The following TRRAP variants were observed in gnomAD, a reference collection of about 807,000 sequenced individuals.
TRRAP encodes transformation/transcription domain associated protein.
In TRRAP, 41 loss-of-function variants were observed where a neutral mutation model predicts 438.8. The ratio of observed to expected loss-of-function variants is 0.09; its 90% CI spans 0.07 to 0.12. TRRAP has a LOEUF of 0.12. Among genes scored for constraint, TRRAP ranks in the 10% least tolerant of loss-of-function variants. The pLI is 1.00. For missense variants in TRRAP, 3,122 were observed against 5,055.1 expected (o/e 0.62, Z 11.60); for synonymous variants, 1,994 against 1,962.9 (o/e 1.02, Z -0.42).
intron 45 of TRRAP, 22 bp downstream of exon 45, chr7:98,959,512 G>T: frequency 6.2e-7 from 1 of 1,607,546 alleles, no homozygotes; most frequent in Non-Finnish European, 8.5e-7. Flanking sequence ...TGTCTGAAGG[G>T]CCAGGGCAGC....
Position 98,994,077 on chromosome 7 carries a change from A to G in TRRAP, c.10047+340A>G, listed in dbSNP as rs1231024288. Among the ~76,000 whole-genome samples, 1 of 152,110 alleles carries G rather than the reference A, an allele frequency of 6.6e-6. No individual in the cohort carries two copies. The highest frequency in any genetic ancestry group is 1.5e-5 in the Non-Finnish European group (1 of 68,018). On this transcript the variant is annotated intron_variant, in intron 66 of 72. Coordinates refer to ENST00000456197, the MANE Select transcript of TRRAP (RefSeq NM_001375524.1). This position sits in a 1 kb window ranked among gnomAD's most constrained non-coding sequence, Gnocchi z 4.8. ...AGTAACAGGGTTATAATTTCCATAGATGGGAAATTGTAGGGATGTGGGGTC... is the reference window on the plus strand; with the variant it reads ...AGTAACAGGGTTATAATTTCCATAGGTGGGAAATTGTAGGGATGTGGGGTC...
At position 98,896,223 on chromosome 7, in the gene TRRAP, T is replaced by A. The variant is rs543480977; in HGVS notation, c.507+403T>A. Among the ~76,000 whole-genome samples the A allele has an allele frequency of 3.5e-4, 54 of 152,258 alleles. 1 individual carries two copies. The highest frequency in any genetic ancestry group is 1.2e-3 in the African/African-American group (50 of 41,554). On this transcript the variant is annotated intron_variant, in intron 7 of 72. Transcript: ENST00000456197. ...GTGGTGTATATTTTCAGTTTTTTTTTAAATTTTACTAACTTTTTTTTCGAT... is the reference window on the plus strand; with the variant it reads ...GTGGTGTATATTTTCAGTTTTTTTTAAAATTTTACTAACTTTTTTTTCGAT...
Position 98,948,049 on chromosome 7 carries a change from C to T in TRRAP, c.4549-172C>T, listed in dbSNP as rs1791167256. Among the ~76,000 whole-genome samples the T allele has an allele frequency of 6.6e-6, 1 of 152,224 alleles. No homozygotes were observed. The highest frequency in any genetic ancestry group is 1.5e-5 in the Non-Finnish European group (1 of 68,038). Reference sequence around the variant, plus strand: ...ACGGGCAGTCAGTTTCCTTAGGACACAGCACAGTTAGAACCTAAGGCTAGT... The same window carrying T: ...ACGGGCAGTCAGTTTCCTTAGGACATAGCACAGTTAGAACCTAAGGCTAGT... On this transcript the variant is annotated intron_variant, in intron 33 of 72. Coordinates refer to ENST00000456197, the MANE Select transcript of TRRAP (RefSeq NM_001375524.1). This position sits in a 1 kb window ranked among gnomAD's most constrained non-coding sequence, Gnocchi z 4.9.
chr7:98,910,217 T>TTCCCCCCCCCCCCCCCCCCCC lies in TRRAP; in HGVS notation c.1512_1513insTCCCCCCCCCCCCCCCCCCCC (p.Pro504_Ala505insSerProProProProProPro). 1 of 1,045,586 alleles carries TTCCCCCCCCCCCCCCCCCCCC rather than the reference T, an allele frequency of 9.6e-7. No individual in the cohort carries two copies. Among genetic ancestry groups the TTCCCCCCCCCCCCCCCCCCCC allele is most frequent in the Admixed American group, 3.0e-5 (1 of 33,894 alleles). 64.8% of individuals were successfully genotyped at this position (1,045,586 alleles called of 1,614,324 possible). On this transcript the variant is annotated inframe_insertion, in exon 15 of 73. Transcript: ENST00000456197. ...CTGCTCCCTCCCCAGCCCCTGTCCCTGCCCCACCTCCACCCCCGCCCCCAC... is the reference window on the plus strand; with the variant it reads ...CTGCTCCCTCCCCAGCCCCTGTCCCTTCCCCCCCCCCCCCCCCCCCCGCCCCACCTCCACCCCCGCCCCCAC...
chr7:98,955,597 G>A (rs1333737704), intron 41 of TRRAP, among the ~76,000 whole-genome samples: 1 of 152,184 alleles, frequency 6.6e-6, no homozygotes, highest in African/African-American at 2.4e-5. Context: ...TAAGGTGGGA[G>A]ATAGTCCTCA....
At chr7:98,883,943 C>T (rs1384918894) in intron 3 of TRRAP, among the ~76,000 whole-genome samples, 1 of 152,178 alleles carries the variant, frequency 6.6e-6, no homozygotes, top group African/African-American at 2.4e-5. Context: ...CAGCTGATGC[C>T]ACTGAATTTG....
At chr7:99,007,126 G>A (rs1259340011) in intron 69 of TRRAP, among the ~76,000 whole-genome samples, 2 of 152,226 alleles carry the variant, frequency 1.3e-5, no homozygotes, top group African/African-American at 2.4e-5. Flanking sequence ...GGGGCTAGAC[G>A]ATCAGGTTGA....
chr7:98,998,909 CA>C (rs2116833932), intron 67 of TRRAP: 1 of 472,552 alleles, frequency 2.1e-6, no homozygotes, highest in East Asian at 3.4e-5. Flanking sequence ...GGAGAGGCCC[CA>C]TGGTAGGTCA....
intron 41 of TRRAP, 131 bp downstream of exon 41, chr7:98,955,435 T>G (rs1055058536): frequency 1.0e-6 from 1 of 961,270 alleles, no homozygotes; most frequent in Non-Finnish European, 1.5e-6. Context: ...GTTCATTGAT[T>G]AGTTTGTGTA....
intron 67 of TRRAP, among the ~76,000 whole-genome samples, chr7:99,001,456 C>T (rs936102458): frequency 2.0e-5 from 3 of 152,150 alleles, no homozygotes; most frequent in Admixed American, 1.3e-4. Context: ...ATTCAGCATG[C>T]TTTTATCTTA....
In TRRAP at chr7:98,880,267, T is replaced by G. The variant is rs2237595; in HGVS notation, c.-61-823T>G. Among the ~76,000 whole-genome samples, 168 of 69,280 alleles carry G rather than the reference T, an allele frequency of 2.4e-3. 1 individual carries two copies. The highest frequency in any genetic ancestry group is 4.7e-3 in the African/African-American group (156 of 33,186). 45.5% of individuals were successfully genotyped at this position (69,280 alleles called of 152,430 possible). On this transcript the variant is annotated intron_variant, in intron 1 of 72. Transcript: ENST00000456197. ...TGCGTTTTGTTGTTGTTGTTGTTTT[T>G]TTTTTTTTTTTTCCGAGACTGAACC...
intron 67 of TRRAP, among the ~76,000 whole-genome samples, chr7:99,002,514 G>A (rs1301715688): frequency 6.6e-6 from 1 of 152,182 alleles, no homozygotes. Flanking sequence ...TTGGCAGCAC[G>A]TTCTTGGTCC....
intron 28 of TRRAP, 83 bp from the exon 29 acceptor site, chr7:98,937,073 A>G: frequency 6.9e-7 from 1 of 1,448,528 alleles, no homozygotes. Context: ...ACCAAATAAT[A>G]ATAATAAATA....
chr7:98,997,439 G>A (rs1433392879), intron 67 of TRRAP, among the ~76,000 whole-genome samples: 1 of 128,894 alleles, frequency 7.8e-6, no homozygotes, highest in Non-Finnish European at 1.6e-5. Flanking sequence ...CCAGAAAAAG[G>A]AGTAGGTATC....
chr7:98,929,186 C>T (rs917391689), intron 23 of TRRAP, among the ~76,000 whole-genome samples: 4 of 152,020 alleles, frequency 2.6e-5, no homozygotes, highest in East Asian at 1.9e-4. Context: ...ATGATCCACC[C>T]GCCTCGGCCT....
chr7:98,948,189 AC>A lies in TRRAP; in HGVS notation c.4549-30del. The A allele has an allele frequency of 6.2e-7, 1 of 1,612,842 alleles. No individual in the cohort carries two copies. The highest frequency in any genetic ancestry group is 8.5e-7 in the Non-Finnish European group (1 of 1,179,954). On this transcript the variant is annotated intron_variant, in intron 33 of 72. Coordinates refer to ENST00000456197, the MANE Select transcript of TRRAP (RefSeq NM_001375524.1). This position sits in a 1 kb window ranked among gnomAD's most constrained non-coding sequence, Gnocchi z 4.9. ...CCTCTGTCACTTGCAAAATTAATCG[AC>A]CTGTTTATAATTTCTGGTTTTCTTG...
At chr7:98,907,386 C>A (rs1413422297) in intron 13 of TRRAP, among the ~76,000 whole-genome samples, 2 of 151,884 alleles carry the variant, frequency 1.3e-5, no homozygotes, top group East Asian at 3.9e-4. Context: ...ATTTAATCAT[C>A]TTTACATTAT....
At chr7:98,882,060 G>A (rs1795464338) in intron 3 of TRRAP, 36 bp downstream of exon 3, 1 of 1,565,562 alleles carries the variant, frequency 6.4e-7, no homozygotes, top group East Asian at 2.3e-5. Context: ...TCATTTTGAG[G>A]TAAATATTCT....
chr7:98,942,181 A>G (rs1790826548), intron 30 of TRRAP, among the ~76,000 whole-genome samples: 1 of 152,340 alleles, frequency 6.6e-6, no homozygotes, highest in African/African-American at 2.4e-5. Context: ...CTTCCCATAC[A>G]CTTAAATGCA....
Sources: gnomAD v4.1 joint callset for allele counts (sites outside exome capture counted in the v4.1 genomes callset) on GRCh38, gnomAD v4.1.1 for gene constraint, Gnocchi (gnomAD v3.1) non-coding constraint, MANE v1.5 for transcripts, NCBI Gene and HGNC (gene_info 2026-07-23, HGNC 2026-07-21) for gene names.